The following ANPEP variants were observed in gnomAD, a reference collection of about 807,000 sequenced individuals.
The protein encoded by ANPEP is alanyl aminopeptidase, membrane, also known as aminopeptidase N.
ANPEP carries 70 observed loss-of-function variants against 114.6 expected under a neutral mutation model. The ratio of observed to expected loss-of-function variants is 0.61; its 90% CI spans 0.50 to 0.75. The LOEUF (loss-of-function observed/expected upper bound fraction) is 0.75. ANPEP is among the 30% of genes least tolerant of loss of function. ANPEP has a pLI of 0.00. For missense variants in ANPEP, 1,184 were observed against 1,259.5 expected (o/e 0.94, Z 0.91); for synonymous variants, 548 against 522.3 (o/e 1.05, Z -0.67).
chr15:89,798,034 G>T (rs1018103739), intron 14 of ANPEP, among the ~76,000 whole-genome samples: 2 of 152,250 alleles, frequency 1.3e-5, no homozygotes, highest in Non-Finnish European at 2.9e-5. Context: ...CTTGCCCAAG[G>T]TCACACACCT....
In ANPEP at chr15:89,799,343, A is replaced by G. The variant is rs754691308; in HGVS notation, c.1954-28T>C. ...AGAATGCGAAGCACAGCATGTGACC[A>G]TGGGTTGGCTGTGGGTGGCAGGCCT... On this transcript the variant is annotated intron_variant, in intron 13 of 20. Coordinates refer to ENST00000300060, the MANE Select transcript of ANPEP (RefSeq NM_001150.3). The surrounding 1 kb of genome is among the most constrained non-coding windows in gnomAD (Gnocchi z 4.2). 3.1e-6 allele frequency: 5 copies of G among 1,614,160 alleles called. No homozygotes were observed. Among genetic ancestry groups the G allele is most frequent in the Middle Eastern group, 1.6e-4 (1 of 6,062 alleles).
At chr15:89,811,003 C>A (rs1894806347) in intron 1 of ANPEP, among the ~76,000 whole-genome samples, 1 of 152,230 alleles carries the variant, frequency 6.6e-6, no homozygotes. Flanking sequence ...CCCAGGCAGC[C>A]CTCCAAGTGC....
intron 4 of ANPEP, 135 bp downstream of exon 4, chr15:89,804,943 T>C: frequency 1.6e-6 from 2 of 1,265,040 alleles, no homozygotes; most frequent in Non-Finnish European, 2.2e-6. Context: ...ACAAGACACT[T>C]GCCTGAAATC....
At chr15:89,812,864 T>G (rs914386097) in intron 1 of ANPEP, among the ~76,000 whole-genome samples, 3 of 152,138 alleles carry the variant, frequency 2.0e-5, no homozygotes, top group Non-Finnish European at 4.4e-5. Flanking sequence ...ACATCTACTG[T>G]GGCCGTGCCA....
At chr15:89,810,252 G>T (rs1596172546) in intron 1 of ANPEP, among the ~76,000 whole-genome samples, 1 of 152,134 alleles carries the variant, frequency 6.6e-6, no homozygotes, top group South Asian at 2.1e-4. Context: ...GGTAGCAGGT[G>T]CCCGTAATCC....
chr15:89,804,107 TTTCAACA>T, intron 6 of ANPEP, 105 bp from the exon 7 acceptor site: 1 of 1,544,400 alleles, frequency 6.5e-7, no homozygotes, highest in Non-Finnish European at 8.9e-7. Flanking sequence ...ACAGTGGGGA[TTTCAACA>T]CCATCGTGAC....
chr15:89,789,049 G>A (rs1968565634), intron 20 of ANPEP, among the ~76,000 whole-genome samples: 1 of 151,368 alleles, frequency 6.6e-6, no homozygotes, highest in Non-Finnish European at 1.5e-5. Context: ...GCACAATCTT[G>A]GTTCACTGCA....
intron 17 of ANPEP, 45 bp from the exon 18 acceptor site, chr15:89,792,372 G>T: frequency 1.9e-6 from 3 of 1,612,756 alleles, no homozygotes; most frequent in Non-Finnish European, 2.5e-6. Context: ...CAGCGGGGAG[G>T]GTGGGACAGG....
intron 18 of ANPEP, among the ~76,000 whole-genome samples, 168 bp downstream of exon 18, chr15:89,791,992 T>C (rs1342108827): frequency 6.6e-6 from 1 of 152,186 alleles, no homozygotes; most frequent in African/African-American, 2.4e-5. Context: ...ATCTTGTCTC[T>C]ATCACTTATT....
rs1968485532 is a variant in ANPEP at position 89,785,305 on chromosome 15, G to A, written c.*44C>T. 2 of 1,612,632 alleles carry A rather than the reference G, an allele frequency of 1.2e-6. No individual in the cohort carries two copies. The highest frequency in any genetic ancestry group is 1.1e-5 in the South Asian group (1 of 90,972). ...GCACCAGCCGCTGGGATGGACACAT[G>A]TGGGCACCTTGCATGGGGGCCGGGT... On this transcript the variant is annotated 3_prime_UTR_variant, in exon 21 of 21. Coordinates refer to ENST00000300060, the MANE Select transcript of ANPEP (RefSeq NM_001150.3).
rs1028358290 is a variant in ANPEP, at chr15:89,806,632, G to A, written c.-49C>T. 35 of 1,506,590 alleles carry A rather than the reference G, an allele frequency of 2.3e-5. No individual in the cohort carries two copies. The highest frequency in any genetic ancestry group is 1.5e-4 in the African/African-American group (11 of 71,998). The allele number at this position is 1,506,590 out of a possible 1,614,324, so 93.3% of individuals were successfully genotyped here. A position where few individuals can be genotyped will look rare whatever the true frequency, so the allele number is the denominator to read the frequency against. The stretch of plus-strand genomic sequence containing the variant: ...GGGAGCCTCAGGCCAGGCAGAGAAC[G>A]GAGCAGCCCCAGGCCGGGCTTATAT... On this transcript the variant is annotated 5_prime_UTR_variant, in exon 2 of 21. Coordinates refer to ENST00000300060, the MANE Select transcript of ANPEP (RefSeq NM_001150.3). The surrounding 1 kb of genome is among the most constrained non-coding windows in gnomAD (Gnocchi z 5.7).
intron 4 of ANPEP, 51 bp from the exon 5 acceptor site, chr15:89,804,668 G>GCAGGGTCC (rs1287933753): frequency 2.5e-6 from 4 of 1,594,970 alleles, no homozygotes; most frequent in Non-Finnish European, 3.4e-6. Context: ...TGATCCTGGG[G>GCAGGGTCC]CAGGTGGGCT....
At chr15:89,785,538 T>A (rs1457596177) in intron 20 of ANPEP, 37 bp from the exon 21 acceptor site, 11 of 1,548,154 alleles carry the variant, frequency 7.1e-6, no homozygotes, top group Non-Finnish European at 9.5e-6. Context: ...TCCGGCTGGG[T>A]CCCTAACAGC....
chr15:89,786,371 T>C (rs971350293), intron 20 of ANPEP, among the ~76,000 whole-genome samples: 1 of 141,452 alleles, frequency 7.1e-6, no homozygotes, highest in East Asian at 2.0e-4. Flanking sequence ...TTCAATCCCA[T>C]CAAAATTTTA....
Position 89,806,457 on chromosome 15 carries a change from T to C in ANPEP, c.127A>G (p.Ser43Gly). 6.2e-7 allele frequency: 1 copy of C among 1,614,028 alleles called. No homozygotes were observed. The highest frequency in any genetic ancestry group is 8.5e-7 in the Non-Finnish European group (1 of 1,179,976). Residue 43 changes from serine (S) to glycine (G), a missense_variant, in exon 2 of 21, where the codon AGC becomes GGC. Physicochemically the swap from Ser to Gly is moderately conservative, Grantham distance 56. Transcript: ENST00000300060. This position sits in a 1 kb window ranked among gnomAD's most constrained non-coding sequence, Gnocchi z 5.7. ...GGGGTGGTGGAGGCCACGGGGGAGCTGTTGGCGTTCTTGTTCTTCTCCTGG... is the reference window on the plus strand; with the variant it reads ...GGGGTGGTGGAGGCCACGGGGGAGCCGTTGGCGTTCTTGTTCTTCTCCTGG... ...YSQEKNKNAN[S>G]SPVASTTPSA...
intron 1 of ANPEP, among the ~76,000 whole-genome samples, chr15:89,809,699 C>T (rs1472826167): frequency 3.3e-5 from 5 of 152,240 alleles, no homozygotes; most frequent in Non-Finnish European, 5.9e-5. Flanking sequence ...CCAACCCCAC[C>T]AGCACACGTC....
chr15:89,813,158 T>A (rs1375040036), intron 1 of ANPEP, among the ~76,000 whole-genome samples: 3 of 152,068 alleles, frequency 2.0e-5, no homozygotes, highest in African/African-American at 7.2e-5. Flanking sequence ...GCTGACACAC[T>A]GTCCATGCCA....
Position 89,805,336 on chromosome 15 carries a change from T to TG in ANPEP, c.741dup (p.Asn248GlnfsTer21). On this transcript the variant is annotated frameshift_variant, in exon 3 of 21. Transcript: ENST00000300060. LOFTEE classifies it high-confidence loss of function. The stretch of plus-strand genomic sequence containing the variant: ...GCCCACTCACCTTTGGGAAGCATGT[T>TG]GGACAGGGCTGTCAGGTCCTTGGGG... 1 of 1,613,996 alleles carries TG rather than the reference T, an allele frequency of 6.2e-7. No homozygotes were observed. Among genetic ancestry groups the TG allele is most frequent in the Non-Finnish European group, 8.5e-7 (1 of 1,179,936 alleles).
rs994057523 is a variant in ANPEP at position 89,804,193 on chromosome 15, G to C, written c.1179+60C>G. 5.0e-6 allele frequency: 8 copies of C among 1,603,440 alleles called. No homozygotes were observed. The African/African-American group carries it at 9.3e-5, about 19-fold the overall frequency. The stretch of plus-strand genomic sequence containing the variant: ...GCAGCCCGGGGCAGAGCCTGGACTT[G>C]CGCCGTCTCCTCTCGGAGCCCCTGT... On this transcript the variant is annotated intron_variant, in intron 6 of 20. Coordinates refer to ENST00000300060, the MANE Select transcript of ANPEP (RefSeq NM_001150.3).
Sources: gnomAD v4.1 joint callset for allele counts (sites outside exome capture counted in the v4.1 genomes callset) on GRCh38, gnomAD v4.1.1 for gene constraint, Gnocchi (gnomAD v3.1) non-coding constraint, MANE v1.5 for transcripts, NCBI Gene and HGNC (gene_info 2026-07-23, HGNC 2026-07-21) for gene names.